The following ZNF804A variants were observed in gnomAD, a reference collection of about 807,000 sequenced individuals.
ZNF804A encodes the protein zinc finger protein 804A.
Under a neutral mutation model 16.5 loss-of-function variants are expected in ZNF804A, and 2 were observed. The observed-to-expected ratio is 0.12, with a 90% CI of 0.05 to 0.38. The LOEUF (loss-of-function observed/expected upper bound fraction) is 0.38, where lower values mean the gene tolerates loss of function less well. Ranked by LOEUF, ZNF804A falls within the 10% of genes least tolerant of loss-of-function variation. ZNF804A has a pLI of 0.99. For missense variants in ZNF804A, 1,473 were observed against 1,390.7 expected (o/e 1.06, Z -0.94); for synonymous variants, 534 against 489.6 (o/e 1.09, Z -1.20).
At chr2:184,881,460 A>G (rs1050880059) in intron 2 of ZNF804A, among the ~76,000 whole-genome samples, 3 of 152,084 alleles carry the variant, frequency 2.0e-5, no homozygotes, top group African/African-American at 7.2e-5. Context: ...CAAGACACAT[A>G]GTCATCAGAT....
chr2:184,936,795 A>G lies in ZNF804A; in HGVS notation c.1399A>G (p.Thr467Ala), dbSNP rs1299841372. 2 of 1,613,504 alleles carry G rather than the reference A, an allele frequency of 1.2e-6. No individual in the cohort carries two copies. Among genetic ancestry groups the G allele is most frequent in the South Asian group, 2.2e-5 (2 of 91,048 alleles). ...CNPLCFDFKS[T>A]KVNNNLDKNK... ...TCCTCTATGTTTTGACTTCAAGTCTACTAAAGTAAATAATAATCTAGATAA... is the reference window on the plus strand; with the variant it reads ...TCCTCTATGTTTTGACTTCAAGTCTGCTAAAGTAAATAATAATCTAGATAA... The change falls in exon 4 of 4, where the codon ACT becomes GCT. Residue 467 changes from threonine to alanine, a missense_variant. Transcript: ENST00000302277.
At position 184,671,922 on chromosome 2, in the gene ZNF804A, T is replaced by C. The variant is rs544877534; in HGVS notation, c.111+72852T>C. 6.6e-5 allele frequency among the ~76,000 whole-genome samples: 10 copies of C among 152,346 alleles called. No homozygotes were observed. In the East Asian group the frequency reaches 7.7e-4, roughly 12 times the overall value. ...TAATGCATCATTCATTGCTAAGTGC[T>C]TTGAGCAGGGGTAGAGTAAATCAGT... On this transcript the variant is annotated intron_variant, in intron 1 of 3. Transcript: ENST00000302277.
At chr2:184,773,038 A>G (rs975890507) in intron 1 of ZNF804A, among the ~76,000 whole-genome samples, 1 of 148,660 alleles carries the variant, frequency 6.7e-6, no homozygotes, top group African/African-American at 2.5e-5. Context: ...ATATATGTGT[A>G]TATATATATT....
intron 1 of ZNF804A, among the ~76,000 whole-genome samples, chr2:184,853,757 G>C (rs1453929361): frequency 6.6e-6 from 1 of 151,446 alleles, no homozygotes; most frequent in Non-Finnish European, 1.5e-5. Flanking sequence ...ACTGATCTTG[G>C]TAAATAATGA....
chr2:184,754,142 G>T (rs1189227657), intron 1 of ZNF804A, among the ~76,000 whole-genome samples: 1 of 151,726 alleles, frequency 6.6e-6, no homozygotes, highest in African/African-American at 2.4e-5. Flanking sequence ...CCAGGCTCAT[G>T]TTCTGTCCTC....
At chr2:184,666,367 T>G (rs1692255951) in intron 1 of ZNF804A, among the ~76,000 whole-genome samples, 1 of 152,082 alleles carries the variant, frequency 6.6e-6, no homozygotes, top group Admixed American at 6.6e-5. Context: ...AAACAAAAAG[T>G]ATGTTACATC....
At chr2:184,691,781 T>A (rs1299596704) in intron 1 of ZNF804A, among the ~76,000 whole-genome samples, 1 of 151,780 alleles carries the variant, frequency 6.6e-6, no homozygotes, top group Non-Finnish European at 1.5e-5. Context: ...ACATAGTATT[T>A]ATTATTTATA....
intron 2 of ZNF804A, among the ~76,000 whole-genome samples, chr2:184,915,816 G>C (rs1574269162): frequency 6.6e-6 from 1 of 152,114 alleles, no homozygotes; most frequent in Non-Finnish European, 1.5e-5. Context: ...TTTTAAAGCT[G>C]CCATGAGAAA....
At chr2:184,851,418 C>T (rs148310980) in intron 1 of ZNF804A, among the ~76,000 whole-genome samples, 1 of 151,898 alleles carries the variant, frequency 6.6e-6, no homozygotes, top group Non-Finnish European at 1.5e-5. Flanking sequence ...TCCACGTATA[C>T]GTGACATAAT....
chr2:184,755,190 C>T (rs1693940365), intron 1 of ZNF804A, among the ~76,000 whole-genome samples: 1 of 151,872 alleles, frequency 6.6e-6, no homozygotes, highest in South Asian at 2.1e-4. Flanking sequence ...ACAATATAGT[C>T]CTCCATTTCC....
chr2:184,922,056 G>GT (rs1197084022), intron 2 of ZNF804A, among the ~76,000 whole-genome samples: 1 of 152,052 alleles, frequency 6.6e-6, no homozygotes, highest in Admixed American at 6.6e-5. Flanking sequence ...CTTTACTATT[G>GT]TGAATAGTGC....
At chr2:184,656,683 C>G (rs762921815) in intron 1 of ZNF804A, among the ~76,000 whole-genome samples, 1 of 151,460 alleles carries the variant, frequency 6.6e-6, no homozygotes, top group African/African-American at 2.4e-5. Context: ...TGTATATATA[C>G]ATATATACAC....
intron 1 of ZNF804A, among the ~76,000 whole-genome samples, chr2:184,822,179 T>C (rs908176061): frequency 6.6e-6 from 1 of 152,078 alleles, no homozygotes; most frequent in Non-Finnish European, 1.5e-5. Context: ...CCATCAATTG[T>C]AGACTGGATA....
At chr2:184,667,996 C>A (rs1692277798) in intron 1 of ZNF804A, among the ~76,000 whole-genome samples, 1 of 151,340 alleles carries the variant, frequency 6.6e-6, no homozygotes, top group Admixed American at 6.6e-5. Flanking sequence ...AACTAATTTT[C>A]AGTATATTCT....
At chr2:184,716,639 A>C (rs1574177338) in intron 1 of ZNF804A, among the ~76,000 whole-genome samples, 1 of 152,290 alleles carries the variant, frequency 6.6e-6, no homozygotes, top group South Asian at 2.1e-4. Context: ...AAACACATAA[A>C]TTATTGAATG....
At chr2:184,622,277 G>A (rs1481658216) in intron 1 of ZNF804A, among the ~76,000 whole-genome samples, 1 of 151,724 alleles carries the variant, frequency 6.6e-6, no homozygotes, top group Non-Finnish European at 1.5e-5. Flanking sequence ...CATGAAATAG[G>A]AAGTATTTCA....
intron 1 of ZNF804A, among the ~76,000 whole-genome samples, chr2:184,676,537 A>T (rs980354921): frequency 8.6e-5 from 13 of 151,736 alleles, no homozygotes; most frequent in Non-Finnish European, 1.3e-4. Flanking sequence ...GACATTATTA[A>T]AATAAAATAA....
intron 1 of ZNF804A, among the ~76,000 whole-genome samples, chr2:184,828,226 G>T (rs1323967858): frequency 2.6e-5 from 4 of 151,662 alleles, no homozygotes; most frequent in African/African-American, 7.2e-5. Context: ...TTAAGAATTT[G>T]CCCATGATCA....
At chr2:184,645,612 G>A (rs1382443612) in intron 1 of ZNF804A, among the ~76,000 whole-genome samples, 1 of 152,142 alleles carries the variant, frequency 6.6e-6, no homozygotes, top group Non-Finnish European at 1.5e-5. Context: ...AATATAATAG[G>A]TAGAGAATAT....
Sources: gnomAD v4.1 joint callset for allele counts (sites outside exome capture counted in the v4.1 genomes callset) on GRCh38, gnomAD v4.1.1 for gene constraint, MANE v1.5 for transcripts, NCBI Gene and HGNC (gene_info 2026-07-23, HGNC 2026-07-21) for gene names.